Variants in MIB1 observed in about 807,000 individuals in gnomAD.
MIB1 encodes the protein E3 ubiquitin-protein ligase MIB1.
A neutral mutation model predicts 124.5 loss-of-function variants in MIB1; 278 were observed. The observed-to-expected ratio is 2.23, with a 90% CI of 2.02 to 2.47. The LOEUF (loss-of-function observed/expected upper bound fraction) is 2.47. MIB1 is among the 30% of genes most tolerant of loss of function. MIB1 has a pLI of 0.00. For missense variants in MIB1, 957 were observed against 1,254.4 expected, an observed-to-expected ratio of 0.76 and a Z score of 3.58; for synonymous variants, 446 against 429.4, an observed-to-expected ratio of 1.04 and a Z score of -0.48.
At chr18:21,721,162 T>TGG (rs1209439099) in intron 1 of MIB1, among the ~76,000 whole-genome samples, 1 of 79,212 alleles carries the variant, frequency 1.3e-5, no homozygotes, top group African/African-American at 8.6e-5. Context: ...TAAAGAAGTT[T>TGG]TTTTTTTTTT....
chr18:21,705,535 T>C (rs966039184), intron 1 of MIB1, among the ~76,000 whole-genome samples: 1 of 94,862 alleles, frequency 1.1e-5, no homozygotes, highest in Non-Finnish European at 2.1e-5. Flanking sequence ...AGGATACTTA[T>C]GGTTATCTGA....
Position 21,823,041 on chromosome 18 carries a change from C to T in MIB1, c.1829+3395C>T, listed in dbSNP as rs928773560. Among the ~76,000 whole-genome samples, 13 of 152,178 alleles carry T rather than the reference C, an allele frequency of 8.5e-5. No homozygotes were observed. The South Asian group carries it at 2.3e-3, about 27-fold the overall frequency. ...TTGAGGCTAGGAGTTTGAGACCAGC[C>T]TGGCCAACATTGTGAAATGCTGTCT... On this transcript the variant is annotated intron_variant, in intron 12 of 20. Transcript: ENST00000261537.
At chr18:21,782,661 T>C (rs752050859) in intron 6 of MIB1, among the ~76,000 whole-genome samples, 1 of 152,208 alleles carries the variant, frequency 6.6e-6, no homozygotes, top group Non-Finnish European at 1.5e-5. Flanking sequence ...TTTTTGAATT[T>C]AGTGAGACTT....
chr18:21,801,320 C>G (rs560053807), intron 9 of MIB1, among the ~76,000 whole-genome samples: 1 of 152,246 alleles, frequency 6.6e-6, no homozygotes, highest in African/African-American at 2.4e-5. Context: ...CCACAAGACA[C>G]ACACATACTG....
intron 18 of MIB1, among the ~76,000 whole-genome samples, chr18:21,856,236 C>CAAAAA (rs5823315): frequency 8.1e-6 from 1 of 123,002 alleles, no homozygotes; most frequent in Non-Finnish European, 1.7e-5. Context: ...GACTCCGTCT[C>CAAAAA]AAAAAAAAAA....
At chr18:21,708,389 C>T (rs1264697183) in intron 1 of MIB1, among the ~76,000 whole-genome samples, 1 of 152,196 alleles carries the variant, frequency 6.6e-6, no homozygotes, top group East Asian at 1.9e-4. Context: ...CATAGTGGCT[C>T]ACGCCTGTAA....
intron 1 of MIB1, among the ~76,000 whole-genome samples, chr18:21,744,004 CTTTTAACAAACA>C (rs1306034734): frequency 6.7e-6 from 1 of 149,898 alleles, no homozygotes; most frequent in African/African-American, 2.5e-5. Flanking sequence ...TTCATTTGGT[CTTTTAACAAACA>C]TTTTAAGAGC....
At chr18:21,801,026 G>C (rs544406375) in intron 9 of MIB1, among the ~76,000 whole-genome samples, 1 of 151,900 alleles carries the variant, frequency 6.6e-6, no homozygotes, top group South Asian at 2.1e-4. Flanking sequence ...GAACATTATA[G>C]TACTAAAAAT....
chr18:21,805,466 AGT>A (rs1167422623), intron 10 of MIB1, among the ~76,000 whole-genome samples: 1 of 152,144 alleles, frequency 6.6e-6, no homozygotes, highest in Admixed American at 6.5e-5. Flanking sequence ...TTAGGAACCT[AGT>A]GTGTGTTACA....
Position 21,857,232 on chromosome 18 carries a change from CTGA to C in MIB1, c.2773_2775del (p.Asp925del). 6.2e-7 allele frequency: 1 copy of C among 1,610,664 alleles called. No homozygotes were observed. The highest frequency in any genetic ancestry group is 8.5e-7 in the Non-Finnish European group (1 of 1,176,900). On this transcript the variant is annotated inframe_deletion, in exon 19 of 21. Coordinates refer to ENST00000261537, the MANE Select transcript of MIB1 (RefSeq NM_020774.4). ...GGAGGGAAAAGTTCAGAAGATGCCA[CTGA>C]TGATATCTGTAAGTCGATTGTCTTA... is the stretch of plus-strand genomic sequence containing the variant.
intron 1 of MIB1, among the ~76,000 whole-genome samples, chr18:21,764,609 A>G (rs1406134294): frequency 2.0e-5 from 3 of 152,210 alleles, no homozygotes; most frequent in African/African-American, 7.2e-5. Flanking sequence ...TTCTAAATGG[A>G]TACAAAGAGG....
intron 19 of MIB1, 134 bp downstream of exon 19, chr18:21,857,377 A>C: frequency 1.6e-6 from 1 of 630,728 alleles, no homozygotes; most frequent in Non-Finnish European, 2.8e-6. Flanking sequence ...TGGAACAGGT[A>C]TTGTTTTCTG....
chr18:21,705,364 A>G (rs1052061003), intron 1 of MIB1, among the ~76,000 whole-genome samples: 1 of 152,266 alleles, frequency 6.6e-6, no homozygotes, highest in African/African-American at 2.4e-5. Context: ...GAAAAGGTCA[A>G]GAATAGCAAC....
intron 12 of MIB1, among the ~76,000 whole-genome samples, chr18:21,836,391 C>T (rs753073308): frequency 6.0e-5 from 9 of 149,176 alleles, no homozygotes; most frequent in Non-Finnish European, 1.2e-4. Flanking sequence ...CTCCTAAAAA[C>T]AAAAAGTTTT....
At chr18:21,813,838 C>T (rs1188639083) in intron 10 of MIB1, among the ~76,000 whole-genome samples, 3 of 151,988 alleles carry the variant, frequency 2.0e-5, no homozygotes, top group Non-Finnish European at 2.9e-5. Flanking sequence ...TATTGGGAAT[C>T]GGAAACCACT....
intron 1 of MIB1, among the ~76,000 whole-genome samples, chr18:21,707,430 A>G (rs1286109296): frequency 3.3e-5 from 5 of 152,216 alleles, no homozygotes; most frequent in African/African-American, 9.6e-5. Context: ...CCGAGCCAGC[A>G]GAGGCAACCT....
intron 17 of MIB1, among the ~76,000 whole-genome samples, chr18:21,850,375 A>G (rs897189187): frequency 1.3e-5 from 2 of 152,038 alleles, no homozygotes; most frequent in African/African-American, 4.8e-5. Context: ...TCTTTTTATA[A>G]TCTTTATTTC....
intron 1 of MIB1, among the ~76,000 whole-genome samples, chr18:21,743,038 T>C (rs1415402154): frequency 6.6e-6 from 1 of 152,220 alleles, no homozygotes; most frequent in African/African-American, 2.4e-5. Flanking sequence ...TGTCTCAGCC[T>C]CCCAAAATGC....
Position 21,858,587 on chromosome 18 carries a change from AC to A in MIB1, c.2823del (p.Asn942MetfsTer26). The stretch of plus-strand genomic sequence containing the variant: ...AGTATTACAAAAGGACAAGGATAAT[AC>A]CAATGTCAATGCAGATGTGCAAAAG... ...IPVLQKDKDNTNVNADVQKLQ... is the reference protein window; with the variant it reads ...IPVLQKDKDNXNVNADVQKLQ... On this transcript the variant is annotated frameshift_variant, in exon 20 of 21. Transcript: ENST00000261537. LOFTEE classifies it high-confidence loss of function. The A allele has an allele frequency of 1.2e-6, 2 of 1,601,508 alleles. No individual in the cohort carries two copies. Among genetic ancestry groups the A allele is most frequent in the Non-Finnish European group, 1.7e-6 (2 of 1,168,976 alleles).
Sources: gnomAD v4.1 joint callset for allele counts (sites outside exome capture counted in the v4.1 genomes callset) on GRCh38, gnomAD v4.1.1 for gene constraint, MANE v1.5 for transcripts, NCBI Gene and HGNC (gene_info 2026-07-23, HGNC 2026-07-21) for gene names.